Variants in TECTA observed in about 807,000 individuals in gnomAD.
TECTA encodes the protein alpha-tectorin.
Under a neutral mutation model 216.8 loss-of-function variants are expected in TECTA, and 128 were observed. That is an observed-to-expected ratio of 0.59 (90% CI 0.51 to 0.68). TECTA has a LOEUF of 0.68. Among genes scored for constraint, TECTA ranks in the 30% least tolerant of loss-of-function variants. The pLI is 0.00. For synonymous variants in TECTA, 1,089 were observed against 1,117.1 expected (o/e 0.97, Z 0.50); for missense variants, 2,551 against 2,786.2 (o/e 0.92, Z 1.90).
chr11:121,154,197 G>A (rs921122564), intron 13 of TECTA, among the ~76,000 whole-genome samples: 8 of 152,150 alleles, frequency 5.3e-5, no homozygotes, highest in Non-Finnish European at 7.4e-5. Context: ...TCAGCTAGGC[G>A]AAAAATAAAT....
intron 20 of TECTA, among the ~76,000 whole-genome samples, chr11:121,175,262 C>T (rs950313133): frequency 1.3e-5 from 2 of 151,442 alleles, no homozygotes; most frequent in Admixed American, 1.3e-4. Context: ...TCTTGCTTTT[C>T]TAGTTCTTTT....
chr11:121,131,314 A>T (rs1946673055), intron 10 of TECTA, among the ~76,000 whole-genome samples: 2 of 152,108 alleles, frequency 1.3e-5, no homozygotes, highest in Admixed American at 1.3e-4. Flanking sequence ...ATAATTTTAG[A>T]CTTACAGAAA....
chr11:121,158,351 A>G, intron 14 of TECTA, 127 bp downstream of exon 14: 1 of 1,294,672 alleles, frequency 7.7e-7, no homozygotes, highest in Non-Finnish European at 1.1e-6. Context: ...TTCCACACAC[A>G]GTGACCAGGT....
chr11:121,140,776 T>C (rs638463), intron 11 of TECTA: 73,964 of 151,966 alleles, frequency 0.49, 20,133 homozygotes, highest in African/African-American at 0.75. Flanking sequence ...CTCTGTGTCT[T>C]CTGTTTTCTC....
intron 20 of TECTA, among the ~76,000 whole-genome samples, chr11:121,180,261 C>A (rs2134208305): frequency 6.6e-6 from 1 of 152,042 alleles, no homozygotes; most frequent in East Asian, 1.9e-4. Context: ...ATATATCAAC[C>A]CTTCACTTCT....
At chr11:121,160,517 G>T in intron 15 of TECTA, 96 bp downstream of exon 15, 1 of 1,519,748 alleles carries the variant, frequency 6.6e-7, no homozygotes, top group Non-Finnish European at 9.0e-7. Context: ...CCTTAGCACT[G>T]CCCCTGCTCT....
chr11:121,182,897 G>A (rs1357772583), intron 20 of TECTA, among the ~76,000 whole-genome samples: 3 of 152,192 alleles, frequency 2.0e-5, no homozygotes, highest in African/African-American at 7.2e-5. Flanking sequence ...CCCCATGACA[G>A]CACCTGGTGG....
rs1191002266 is a variant in TECTA at position 121,162,191 on chromosome 11, AGGGCTTCTTCCAGCCCTGCTAT to A, written c.5102_5123del (p.Phe1701SerfsTer97). 2 of 1,614,178 alleles carry A rather than the reference AGGGCTTCTTCCAGCCCTGCTAT, an allele frequency of 1.2e-6. No individual in the cohort carries two copies. Among genetic ancestry groups the A allele is most frequent in the Admixed American group, 1.7e-5 (1 of 60,024 alleles). On this transcript the variant is annotated frameshift_variant, in exon 16 of 24. Coordinates refer to ENST00000392793, the MANE Select transcript of TECTA (RefSeq NM_005422.4). LOFTEE classifies it high-confidence loss of function. ...TACTGCCTGAAGCTCACCGACATGAAGGGCTTCTTCCAGCCCTGCTATGGGCTTCTCGATCCCCTCCCATTCT... is the reference window on the plus strand; with the variant it reads ...TACTGCCTGAAGCTCACCGACATGAAGGGCTTCTCGATCCCCTCCCATTCT...
intron 14 of TECTA, among the ~76,000 whole-genome samples, 161 bp downstream of exon 14, chr11:121,158,385 T>C (rs1044356033): frequency 2.0e-5 from 3 of 152,206 alleles, no homozygotes; most frequent in African/African-American, 2.4e-5. Flanking sequence ...AGTATGAAGA[T>C]GTTTTAAGCC....
chr11:121,118,993 GCACACACACACACACACACACA>G (rs3222344), intron 7 of TECTA, among the ~76,000 whole-genome samples: 1 of 55,952 alleles, frequency 1.8e-5, no homozygotes, highest in Admixed American at 2.2e-4. Flanking sequence ...ACACTGATAG[GCACACACACACACACACACACA>G]CACACACACA....
intron 10 of TECTA, among the ~76,000 whole-genome samples, chr11:121,135,824 C>T (rs1480985031): frequency 6.6e-6 from 1 of 152,230 alleles, no homozygotes; most frequent in South Asian, 2.1e-4. Context: ...ATCGCACAGA[C>T]TTGTAGGAGG....
chr11:121,189,246 G>A (rs902889340), intron 22 of TECTA, 79 bp downstream of exon 22: 5 of 1,406,224 alleles, frequency 3.6e-6, no homozygotes, highest in East Asian at 4.7e-5. Context: ...CACCTCTGAT[G>A]TGGGTCCAGT....
intron 20 of TECTA, among the ~76,000 whole-genome samples, chr11:121,175,037 A>C (rs1488329928): frequency 6.6e-6 from 1 of 151,906 alleles, no homozygotes; most frequent in African/African-American, 2.4e-5. Context: ...CGGTGGTGAT[A>C]TCCCCTTTAT....
rs1465544828 is a variant in TECTA at position 121,166,668 on chromosome 11, T to C, written c.5474T>C (p.Phe1825Ser). The C allele has an allele frequency of 1.2e-6, 2 of 1,614,112 alleles. No homozygotes were observed. Among genetic ancestry groups the C allele is most frequent in the East Asian group, 4.5e-5 (2 of 44,880 alleles). Residue 1825 changes from phenylalanine (F) to serine (S), a missense_variant, in exon 18 of 24, where the codon TTT (phenylalanine) becomes TCT (serine). Phe to Ser is a radical substitution (Grantham distance 155). Around this residue, in one of 3 missense-constraint regions of TECTA, gnomAD observed 2,375 missense variants for 2,563.9 expected, o/e 0.93. Coordinates refer to ENST00000392793, the MANE Select transcript of TECTA (RefSeq NM_005422.4). ...AAGTGCAAGCTCTTCCAGCTCGGTT[T>C]TGAGAGGGAGGGCGTGAGGATCAAT... is the stretch of plus-strand genomic sequence containing the variant. ...ISKCKLFQLG[F>S]EREGVRINDR...
intron 16 of TECTA, among the ~76,000 whole-genome samples, chr11:121,163,455 G>C (rs1327247722): frequency 1.8e-4 from 23 of 129,532 alleles, no homozygotes; most frequent in Admixed American, 3.3e-4. Flanking sequence ...GTTGTGGGGT[G>C]GGGGGAGGGT....
intron 20 of TECTA, among the ~76,000 whole-genome samples, chr11:121,181,841 A>G (rs1947232588): frequency 1.6e-5 from 2 of 124,566 alleles, no homozygotes. Context: ...GTTTCTGTGC[A>G]TCTGGTATAA....
chr11:121,124,192 G>A (rs1024143807), intron 7 of TECTA, among the ~76,000 whole-genome samples: 1 of 152,114 alleles, frequency 6.6e-6, no homozygotes, highest in African/African-American at 2.4e-5. Context: ...TAAGTTCCAC[G>A]AGGCAGAGAT....
chr11:121,140,204 G>A (rs1010345822), intron 11 of TECTA, among the ~76,000 whole-genome samples: 2 of 152,270 alleles, frequency 1.3e-5, no homozygotes, highest in East Asian at 1.9e-4. Context: ...CTGAGGCTAC[G>A]CATGTTGGTT....
At chr11:121,123,815 T>A (rs1321282072) in intron 7 of TECTA, among the ~76,000 whole-genome samples, 2 of 152,226 alleles carry the variant, frequency 1.3e-5, no homozygotes, top group African/African-American at 4.8e-5. Context: ...TGACGGGCCC[T>A]GCTTGTTCTG....
Sources: gnomAD v4.1 joint callset for allele counts (sites outside exome capture counted in the v4.1 genomes callset) on GRCh38, gnomAD v4.1.1 for gene constraint, gnomAD v4.1.1 regional missense constraint, MANE v1.5 for transcripts, NCBI Gene and HGNC (gene_info 2026-07-23, HGNC 2026-07-21) for gene names.